The following ZIM2 variants were observed in gnomAD, a reference collection of about 807,000 sequenced individuals.
ZIM2 encodes zinc finger protein 656.
A neutral mutation model predicts 38.6 loss-of-function variants in ZIM2; 14 were observed. That is an observed-to-expected ratio of 0.36 (90% confidence interval 0.24 to 0.57). The LOEUF is 0.57. Among genes scored for constraint, ZIM2 ranks in the 20% least tolerant of loss-of-function variants. The pLI is 0.81. For missense variants in ZIM2, 680 were observed against 695.1 expected, an observed-to-expected ratio of 0.98 and a Z score of 0.24; for synonymous variants, 247 against 245.8, an observed-to-expected ratio of 1.00 and a Z score of -0.04.
At chr19:56,809,676 G>T (rs998532565) in intron 9 of ZIM2, among the ~76,000 whole-genome samples, 1 of 152,136 alleles carries the variant, frequency 6.6e-6, no homozygotes, top group Non-Finnish European at 1.5e-5. Context: ...TTAACCTCAG[G>T]CAAGAGTCAG....
intron 9 of ZIM2, among the ~76,000 whole-genome samples, chr19:56,803,424 C>A (rs547408494): frequency 6.6e-6 from 1 of 152,216 alleles, no homozygotes; most frequent in Non-Finnish European, 1.5e-5. Flanking sequence ...TATGTTCTCT[C>A]CCACTGAAGT....
chr19:56,809,991 A>C (rs1465545825), intron 9 of ZIM2: 1 of 224,494 alleles, frequency 4.5e-6, no homozygotes, highest in Non-Finnish European at 7.4e-6. Context: ...TTTTAGGCTA[A>C]AGGAGGAACT....
chr19:56,797,793 C>A (rs1263314770), intron 9 of ZIM2, among the ~76,000 whole-genome samples: 2 of 152,124 alleles, frequency 1.3e-5, no homozygotes, highest in African/African-American at 4.8e-5. Flanking sequence ...GGTTAAGGTA[C>A]CTATGGGAGA....
chr19:56,789,887 T>C lies in ZIM2; in HGVS notation c.555A>G (p.Pro185=), dbSNP rs571510102. 1 of 1,578,090 alleles carries C rather than the reference T, an allele frequency of 6.3e-7. No homozygotes were observed. Among genetic ancestry groups the C allele is most frequent in the East Asian group, 2.3e-5 (1 of 44,214 alleles). The change falls in exon 10 of 13, where the codon CCA becomes CCG. Residue 185 remains proline (P), a synonymous_variant. Coordinates refer to ENST00000629319, the MANE Select transcript of ZIM2 (RefSeq NM_001387356.1). ...CCTGACTCACCTGGGACCCAGCAGA[T>C]GGCAGATTGTCTAACATCTCTGTGT... ...KRNTEMLDNL[P]SAGSQFPDFK...
At chr19:56,794,407 T>C (rs2047088831) in intron 9 of ZIM2, among the ~76,000 whole-genome samples, 1 of 152,262 alleles carries the variant, frequency 6.6e-6, no homozygotes, top group African/African-American at 2.4e-5. Flanking sequence ...TTTTTTTCTT[T>C]TCTTATCCCC....
chr19:56,814,252 G>C lies in ZIM2; in HGVS notation c.490+3494C>G. The C allele has an allele frequency of 6.2e-7, 1 of 1,613,384 alleles. No individual in the cohort carries two copies. On this transcript the variant is annotated intron_variant, in intron 9 of 12. Coordinates refer to ENST00000629319, the MANE Select transcript of ZIM2 (RefSeq NM_001387356.1). The surrounding 1 kb of genome is among the most constrained non-coding windows in gnomAD (Gnocchi z 5.8). Reference sequence around the variant, plus strand: ...TTCTGGCTCGGCAGCCTCCACTTCTGGCTCAGCAGCCTCTACGTTTAAGCC... The same window carrying C: ...TTCTGGCTCGGCAGCCTCCACTTCTCGCTCAGCAGCCTCTACGTTTAAGCC...
intron 1 of ZIM2, among the ~76,000 whole-genome samples, chr19:56,838,793 G>A (rs1013342308): frequency 6.6e-6 from 1 of 152,216 alleles, no homozygotes; most frequent in African/African-American, 2.4e-5. Context: ...CAAGGAGCGC[G>A]GCACTCCACA....
At chr19:56,812,625 A>G in intron 9 of ZIM2, 1 of 985,830 alleles carries the variant, frequency 1.0e-6, no homozygotes, top group Non-Finnish European at 1.2e-6. Context: ...GCACAAAGGA[A>G]GTGATGAAAG....
intron 9 of ZIM2, among the ~76,000 whole-genome samples, chr19:56,804,759 T>C (rs181221451): frequency 1.3e-5 from 2 of 152,356 alleles, no homozygotes; most frequent in Admixed American, 1.3e-4. Context: ...CAAACATTTG[T>C]AAAATAGGCA....
chr19:56,805,129 G>A (rs569047614), intron 9 of ZIM2, among the ~76,000 whole-genome samples: 3 of 152,148 alleles, frequency 2.0e-5, no homozygotes, highest in African/African-American at 7.2e-5. Flanking sequence ...TCTGTGTCCT[G>A]GGGGTGGGGA....
chr19:56,813,864 A>C, intron 9 of ZIM2: 1 of 1,614,150 alleles, frequency 6.2e-7, no homozygotes, highest in Non-Finnish European at 8.5e-7. Context: ...TGCTGGCATG[A>C]GTTTTCAGGT....
chr19:56,838,691 CAA>C (rs1357141258), intron 1 of ZIM2, among the ~76,000 whole-genome samples: 1 of 152,214 alleles, frequency 6.6e-6, no homozygotes, highest in Non-Finnish European at 1.5e-5. Flanking sequence ...GCCGCTAAGG[CAA>C]ACTCTTTAGG....
At chr19:56,823,211 C>G (rs2060671471) in intron 5 of ZIM2, among the ~76,000 whole-genome samples, 1 of 151,686 alleles carries the variant, frequency 6.6e-6, no homozygotes, top group Admixed American at 6.6e-5. Flanking sequence ...TATTCTACTA[C>G]AAAAAAAACA....
Position 56,814,518 on chromosome 19 carries a change from G to A in ZIM2, c.490+3228C>T, listed in dbSNP as rs1327361520. Reference sequence around the variant, plus strand: ...GAGTATAGGAGGACCCGTACTCATAGGGCTCATTCTTATGAACAGTTACGT... The same window carrying A: ...GAGTATAGGAGGACCCGTACTCATAAGGCTCATTCTTATGAACAGTTACGT... On this transcript the variant is annotated intron_variant, in intron 9 of 12. Coordinates refer to ENST00000629319, the MANE Select transcript of ZIM2 (RefSeq NM_001387356.1). The surrounding 1 kb of genome is among the most constrained non-coding windows in gnomAD (Gnocchi z 5.8). The A allele has an allele frequency of 5.0e-6, 8 of 1,613,854 alleles. No individual in the cohort carries two copies. The East Asian group carries it at 1.3e-4, about 27-fold the overall frequency.
chr19:56,817,234 G>C (rs762192467), intron 9 of ZIM2: 1 of 1,613,922 alleles, frequency 6.2e-7, no homozygotes. Flanking sequence ...ATCGTGAATC[G>C]AGCCCTTCCC....
At chr19:56,806,893 T>C (rs932314403) in intron 9 of ZIM2, among the ~76,000 whole-genome samples, 2 of 152,222 alleles carry the variant, frequency 1.3e-5, no homozygotes, top group Admixed American at 1.3e-4. Flanking sequence ...GACTCCATAT[T>C]TGCTGGCACC....
rs998939266 is a variant in ZIM2 at position 56,821,780 on chromosome 19, G to C, written c.191-26C>G. 6 of 1,612,442 alleles carry C rather than the reference G, an allele frequency of 3.7e-6. 1 individual carries two copies. Among genetic ancestry groups the C allele is most frequent in the South Asian group, 2.2e-5 (2 of 91,056 alleles). The stretch of plus-strand genomic sequence containing the variant: ...CTGGGAAGAAAAAAGGCATCAACAA[G>C]AAGCAGGGCCCAGTCCATCCTGCAG... On this transcript the variant is annotated intron_variant, in intron 6 of 12. Coordinates refer to ENST00000629319, the MANE Select transcript of ZIM2 (RefSeq NM_001387356.1).
intron 9 of ZIM2, among the ~76,000 whole-genome samples, chr19:56,805,849 G>GA (rs1460795813): frequency 6.6e-6 from 1 of 151,984 alleles, no homozygotes; most frequent in Non-Finnish European, 1.5e-5. Flanking sequence ...CTGTACTGGA[G>GA]AAAAAAAGAA....
intron 10 of ZIM2, among the ~76,000 whole-genome samples, chr19:56,784,135 G>T (rs1235034292): frequency 6.6e-6 from 1 of 152,146 alleles, no homozygotes; most frequent in African/African-American, 2.4e-5. Flanking sequence ...GTACATTGTT[G>T]TTAGGCTGAG....
Sources: allele counts gnomAD v4.1 joint callset (sites outside exome capture counted in the v4.1 genomes callset), GRCh38; gene constraint gnomAD v4.1.1; non-coding constraint Gnocchi (gnomAD v3.1); transcripts MANE v1.5; gene names NCBI Gene and HGNC (gene_info 2026-07-23, HGNC 2026-07-21).